The following XNDC1N variants were observed in gnomAD, a reference collection of about 807,000 sequenced individuals.
The protein encoded by XNDC1N is protein XNDC1N.
chr11:71,920,950 G>GT, the XNDC1N span, among the ~76,000 whole-genome samples: 14 of 152,130 alleles, frequency 9.2e-5, no homozygotes, highest in African/African-American at 3.4e-4. Context: ...GGGAGACAGA[G>GT]TGAGACCCTA....
chr11:71,893,736 C>CAG, the XNDC1N span: 5 of 1,234,444 alleles, frequency 4.1e-6, no homozygotes, highest in African/African-American at 7.7e-5. Context: ...AGTCGCATAG[C>CAG]AGAGTCATCT....
At chr11:71,897,123 C>T in the XNDC1N span, among the ~76,000 whole-genome samples, 8 of 152,128 alleles carry the variant, frequency 5.3e-5, no homozygotes, top group African/African-American at 9.7e-5. Context: ...AAGTATGACA[C>T]GCCTAAAAGA....
chr11:71,890,806 T>C, the XNDC1N span, among the ~76,000 whole-genome samples: 1,851 of 140,236 alleles, frequency 0.013, no homozygotes, highest in African/African-American at 0.033. Context: ...CCCCCCTGGA[T>C]ATTAGGAACA....
the XNDC1N span, among the ~76,000 whole-genome samples, chr11:71,919,605 G>GTTTTTTTTTT: frequency 3.7e-4 from 4 of 10,934 alleles, no homozygotes; most frequent in African/African-American, 4.6e-4. Flanking sequence ...GGCCAGGTTG[G>GTTTTTTTTTT]TTTTTTTTTT....
chr11:71,910,948 C>G, the XNDC1N span, among the ~76,000 whole-genome samples: 1,297 of 152,340 alleles, frequency 8.5e-3, 9 homozygotes, highest in Non-Finnish European at 0.012. Context: ...GCATCCCCAG[C>G]CCTGGGGCTA....
the XNDC1N span, among the ~76,000 whole-genome samples, chr11:71,904,911 C>A: frequency 6.6e-6 from 1 of 151,904 alleles, no homozygotes; most frequent in African/African-American, 2.4e-5. Context: ...AAGTAACATA[C>A]CCCTAGGACA....
chr11:71,905,079 C>G, the XNDC1N span, among the ~76,000 whole-genome samples: 1 of 151,854 alleles, frequency 6.6e-6, no homozygotes, highest in Non-Finnish European at 1.5e-5. Flanking sequence ...GTCCACTGAC[C>G]GTGATATTAG....
chr11:71,883,556 G>A, the XNDC1N span, among the ~76,000 whole-genome samples: 1 of 152,188 alleles, frequency 6.6e-6, no homozygotes, highest in Non-Finnish European at 1.5e-5. Context: ...GAATAAAACT[G>A]GGCCTGTATC....
the XNDC1N span, among the ~76,000 whole-genome samples, chr11:71,910,437 C>A: frequency 6.6e-6 from 1 of 152,168 alleles, no homozygotes; most frequent in Non-Finnish European, 1.5e-5. Flanking sequence ...GACCGGGTTT[C>A]CCCAAGGGTT....
the XNDC1N span, among the ~76,000 whole-genome samples, chr11:71,879,973 TACTC>T: frequency 6.6e-6 from 1 of 152,192 alleles, no homozygotes; most frequent in Non-Finnish European, 1.5e-5. Flanking sequence ...AATCCACTGA[TACTC>T]ACTAAATGGA....
the XNDC1N span, among the ~76,000 whole-genome samples, chr11:71,899,197 C>G: frequency 6.6e-6 from 1 of 152,172 alleles, no homozygotes; most frequent in South Asian, 2.1e-4. Context: ...GCCTCCAGCC[C>G]TGCAGTGTGG....
chr11:71,881,503 T>C, the XNDC1N span, among the ~76,000 whole-genome samples: 1 of 152,234 alleles, frequency 6.6e-6, no homozygotes, highest in Non-Finnish European at 1.5e-5. Flanking sequence ...GCTGGTTGCC[T>C]TCTTGCCATG....
At chr11:71,890,689 C>A in the XNDC1N span, among the ~76,000 whole-genome samples, 2 of 151,992 alleles carry the variant, frequency 1.3e-5, no homozygotes, top group African/African-American at 4.8e-5. Context: ...TGTGAACAAC[C>A]CCTGCGATAT....
At chr11:71,910,993 C>G in the XNDC1N span, among the ~76,000 whole-genome samples, 5 of 152,246 alleles carry the variant, frequency 3.3e-5, no homozygotes, top group Admixed American at 6.5e-5. Flanking sequence ...TCGTATGTAA[C>G]AGAGAGAGAA....
chr11:71,901,021 G>A, the XNDC1N span, among the ~76,000 whole-genome samples: 106 of 152,216 alleles, frequency 7.0e-4, no homozygotes, highest in Middle Eastern at 3.4e-3. Flanking sequence ...CTTCCCTTTC[G>A]GGGTTCCTTG....
At chr11:71,901,454 C>G in the XNDC1N span, among the ~76,000 whole-genome samples, 6 of 151,940 alleles carry the variant, frequency 3.9e-5, no homozygotes, top group Non-Finnish European at 7.4e-5. Flanking sequence ...AAAAAATGAG[C>G]CAGCCGTAGT....
the XNDC1N span, among the ~76,000 whole-genome samples, chr11:71,901,045 G>C: frequency 2.6e-5 from 4 of 152,148 alleles, no homozygotes; most frequent in African/African-American, 9.7e-5. Context: ...AACACAGCTA[G>C]ACCAGTGGGT....
the XNDC1N span, among the ~76,000 whole-genome samples, chr11:71,871,399 G>A: frequency 1.3e-5 from 2 of 152,132 alleles, no homozygotes; most frequent in African/African-American, 4.8e-5. Flanking sequence ...AGGATATCAT[G>A]GTCAAACAGT....
the XNDC1N span, among the ~76,000 whole-genome samples, chr11:71,868,442 C>T: frequency 2.0e-5 from 3 of 152,106 alleles, no homozygotes; most frequent in Admixed American, 2.0e-4. Flanking sequence ...TTTAGCACTC[C>T]CTTAAGGACC....
Sources: allele counts gnomAD v4.1 joint callset (sites outside exome capture counted in the v4.1 genomes callset), GRCh38; gene constraint gnomAD v4.1.1; transcripts MANE v1.5; gene names NCBI Gene and HGNC (gene_info 2026-07-23, HGNC 2026-07-21).